UNC13C: variants seen among roughly 807,000 people sequenced by gnomAD.
UNC13C encodes the protein protein unc-13 homolog C.
Under a neutral mutation model 245.4 loss-of-function variants are expected in UNC13C, and 174 were observed. The observed-to-expected ratio is 0.71, with a 90% CI of 0.63 to 0.80. The LOEUF is 0.80. Among genes scored for constraint, UNC13C ranks in the 30% least tolerant of loss-of-function variants. The pLI, the probability that UNC13C is intolerant of heterozygous loss-of-function variation, is 0.00. For missense variants in UNC13C, 2,829 were observed against 2,602.9 expected (o/e 1.09, Z -1.89); for synonymous variants, 992 against 895.1 (o/e 1.11, Z -1.93).
At chr15:54,416,623 A>C (rs2040526799) in intron 19 of UNC13C, among the ~76,000 whole-genome samples, 1 of 152,136 alleles carries the variant, frequency 6.6e-6, no homozygotes, top group Non-Finnish European at 1.5e-5. Flanking sequence ...CTCTTACATC[A>C]GACAGGAACT....
intron 19 of UNC13C, chr15:54,417,197 A>G: frequency 3.1e-6 from 1 of 324,848 alleles, no homozygotes; most frequent in East Asian, 8.9e-5. Flanking sequence ...TGTTTAGAAA[A>G]TAGAAGCTAC....
At chr15:54,225,089 G>A (rs1334833037) in intron 4 of UNC13C, among the ~76,000 whole-genome samples, 17 of 69,230 alleles carry the variant, frequency 2.5e-4, no homozygotes, top group African/African-American at 3.4e-4. Flanking sequence ...CTTTTCAATA[G>A]CTTTTTTTCA....
chr15:54,380,666 G>A (rs866795934), intron 17 of UNC13C, among the ~76,000 whole-genome samples: 10 of 152,092 alleles, frequency 6.6e-5, no homozygotes, highest in African/African-American at 2.4e-4. Flanking sequence ...ACAAGTGAAA[G>A]GTGATATTTC....
Position 54,057,868 on chromosome 15 carries a change from A to G in UNC13C, c.2983+41982A>G, listed in dbSNP as rs540211850. On this transcript the variant is annotated intron_variant, in intron 2 of 32. Transcript: ENST00000260323. Reference sequence around the variant, plus strand: ...ACCTGCTCCTGAATGACTACTGGGTACATAACGAAACGAAGGCAGAAATAA... The same window carrying G: ...ACCTGCTCCTGAATGACTACTGGGTGCATAACGAAACGAAGGCAGAAATAA... 3.3e-5 allele frequency among the ~76,000 whole-genome samples: 5 copies of G among 152,364 alleles called. No homozygotes were observed. The East Asian group carries it at 9.6e-4, about 29-fold the overall frequency.
chr15:53,957,607 T>C, the UNC13C span, among the ~76,000 whole-genome samples: 4 of 152,308 alleles, frequency 2.6e-5, no homozygotes, highest in African/African-American at 9.6e-5. Context: ...TAAAAAATCC[T>C]CCCTTATCTA....
chr15:54,413,023 A>G (rs1596340840), intron 18 of UNC13C, among the ~76,000 whole-genome samples: 1 of 152,198 alleles, frequency 6.6e-6, no homozygotes, highest in East Asian at 1.9e-4. Flanking sequence ...GCATCTATTG[A>G]GATGATCATA....
chr15:54,493,502 C>T (rs1236064628), intron 19 of UNC13C, among the ~76,000 whole-genome samples: 16 of 152,130 alleles, frequency 1.1e-4, no homozygotes, highest in East Asian at 3.9e-4. Flanking sequence ...CTTATGTTCA[C>T]GATTGGGATT....
Position 54,411,056 on chromosome 15 carries a change from T to C in UNC13C, c.4848-3926T>C, listed in dbSNP as rs139367801. Among the ~76,000 whole-genome samples, 33 of 152,326 alleles carry C rather than the reference T, an allele frequency of 2.2e-4. No individual in the cohort carries two copies. The East Asian group carries it at 5.0e-3, about 23-fold the overall frequency. The stretch of plus-strand genomic sequence containing the variant: ...TTAAGCTATTCTAATAGACATGTAG[T>C]ATCACATCATAATTTTATTGGCAAA... On this transcript the variant is annotated intron_variant, in intron 18 of 32. Coordinates refer to ENST00000260323, the MANE Select transcript of UNC13C (RefSeq NM_001080534.3).
chr15:53,909,413 A>T, the UNC13C span, among the ~76,000 whole-genome samples: 253 of 146,916 alleles, frequency 1.7e-3, 15 homozygotes, highest in African/African-American at 6.1e-3. Context: ...ATAGAATCCT[A>T]CTTCACATTT....
At chr15:53,865,961 T>A in the UNC13C span, among the ~76,000 whole-genome samples, 5 of 151,964 alleles carry the variant, frequency 3.3e-5, no homozygotes, top group South Asian at 1.0e-3. Context: ...TACAATAGAA[T>A]AACAAATAAA....
At chr15:54,347,880 A>G (rs1001771151) in intron 17 of UNC13C, among the ~76,000 whole-genome samples, 1 of 152,136 alleles carries the variant, frequency 6.6e-6, no homozygotes, top group Non-Finnish European at 1.5e-5. Flanking sequence ...ATTAGCTTTG[A>G]TGAACATAGT....
intron 17 of UNC13C, among the ~76,000 whole-genome samples, chr15:54,351,802 A>G (rs984733376): frequency 1.3e-5 from 2 of 152,256 alleles, no homozygotes; most frequent in South Asian, 4.1e-4. Flanking sequence ...CAAAACCATA[A>G]GATTTTAATT....
chr15:53,920,479 G>T, the UNC13C span, among the ~76,000 whole-genome samples: 4 of 152,114 alleles, frequency 2.6e-5, no homozygotes, highest in African/African-American at 9.7e-5. Context: ...GCTTGGACCG[G>T]GAGGCAGAGA....
chr15:54,378,523 A>C (rs2039654121), intron 17 of UNC13C, among the ~76,000 whole-genome samples: 2 of 151,958 alleles, frequency 1.3e-5, no homozygotes, highest in African/African-American at 4.8e-5. Context: ...CATAAACTTA[A>C]TTAAATGTAA....
chr15:54,435,398 T>TA (rs745649573), intron 19 of UNC13C, among the ~76,000 whole-genome samples: 1 of 151,998 alleles, frequency 6.6e-6, no homozygotes, highest in Non-Finnish European at 1.5e-5. Context: ...CATACAGCCA[T>TA]AAAAAAGGAT....
chr15:54,394,357 C>T (rs1461333939), intron 18 of UNC13C, among the ~76,000 whole-genome samples: 24 of 151,758 alleles, frequency 1.6e-4, no homozygotes, highest in Non-Finnish European at 1.5e-5. Context: ...CTTATATCTG[C>T]CTTTTCTTCC....
chr15:53,863,695 A>C, the UNC13C span, among the ~76,000 whole-genome samples: 1 of 152,204 alleles, frequency 6.6e-6, no homozygotes, highest in Admixed American at 6.5e-5. Flanking sequence ...GGTGTAATAA[A>C]TGAACAAAGC....
At chr15:54,501,756 T>C (rs1265568208) in intron 22 of UNC13C, among the ~76,000 whole-genome samples, 1 of 152,090 alleles carries the variant, frequency 6.6e-6, no homozygotes, top group Admixed American at 6.6e-5. Flanking sequence ...AGAGGCTTCA[T>C]GACAAGGGCA....
the UNC13C span, among the ~76,000 whole-genome samples, chr15:53,886,069 A>G: frequency 1.3e-5 from 2 of 152,316 alleles, no homozygotes; most frequent in East Asian, 3.9e-4. Flanking sequence ...GTAATGGATA[A>G]GAGTTGGAGA....
Sources: allele counts gnomAD v4.1 joint callset (sites outside exome capture counted in the v4.1 genomes callset), GRCh38; gene constraint gnomAD v4.1.1; transcripts MANE v1.5; gene names NCBI Gene and HGNC (gene_info 2026-07-23, HGNC 2026-07-21).